EFHD1: variants seen among roughly 807,000 people sequenced by gnomAD.
EFHD1 encodes the protein EF-hand domain family member D1.
A neutral mutation model predicts 17.2 loss-of-function variants in EFHD1; 10 were observed. The observed-to-expected ratio is 0.58, with a 90% CI of 0.36 to 0.99. The LOEUF is 0.99. Ranked by LOEUF, EFHD1 falls within the 50% of genes least tolerant of loss-of-function variation. The pLI is 0.01. For synonymous variants in EFHD1, 153 were observed against 142.0 expected, an observed-to-expected ratio of 1.08 and a Z score of -0.55; for missense variants, 310 against 327.5, an observed-to-expected ratio of 0.95 and a Z score of 0.41.
intron 1 of EFHD1, among the ~76,000 whole-genome samples, chr2:232,607,896 C>T (rs1693749520): frequency 6.6e-6 from 1 of 151,422 alleles, no homozygotes; most frequent in African/African-American, 2.4e-5. Flanking sequence ...GAGTTCTAGA[C>T]CAGCCTGGGC....
intron 2 of EFHD1, among the ~76,000 whole-genome samples, chr2:232,669,762 G>A (rs972147204): frequency 3.3e-5 from 5 of 152,104 alleles, no homozygotes; most frequent in South Asian, 4.2e-4. Flanking sequence ...CACCACGCCC[G>A]GCTAATCTTT....
At chr2:232,672,503 G>C (rs758605044) in intron 3 of EFHD1, 60 bp downstream of exon 3, 52 of 1,530,066 alleles carry the variant, frequency 3.4e-5, no homozygotes, top group Non-Finnish European at 4.5e-5. Flanking sequence ...CTGCCCACCA[G>C]ACTGCAGCTG....
Position 232,633,817 on chromosome 2 carries a change from C to G in EFHD1, c.113C>G (p.Pro38Arg), listed in dbSNP as rs755879908. 1 of 1,473,160 alleles carries G rather than the reference C, an allele frequency of 6.8e-7. No individual in the cohort carries two copies. The allele number at this position is 1,473,160 out of a possible 1,614,324, so 91.3% of individuals were successfully genotyped here. Residue 38 changes from proline to arginine, a missense_variant, in exon 1 of 4, where the codon CCC (proline) becomes CGC (arginine). By Grantham distance (103) the Pro-to-Arg change is moderately radical. Transcript: ENST00000264059. ...GGCGCCCCAGCCCCGGAGCCCAAGC[C>G]CGAGCCCGAGCCTCCCGCCCGTGCG... Reference protein sequence around the residue: ...PLGAPAPEPKPEPEPPARAPT... With the variant: ...PLGAPAPEPKREPEPPARAPT...
chr2:232,635,625 C>T (rs1167567509), intron 1 of EFHD1, among the ~76,000 whole-genome samples: 4 of 152,108 alleles, frequency 2.6e-5, no homozygotes, highest in Admixed American at 6.5e-5. Context: ...TCAAGACCAG[C>T]CTGGCCAACA....
At chr2:232,651,151 G>A (rs939678818) in intron 1 of EFHD1, among the ~76,000 whole-genome samples, 1 of 152,160 alleles carries the variant, frequency 6.6e-6, no homozygotes, top group Non-Finnish European at 1.5e-5. Context: ...TCTCACTGGG[G>A]CCAGGGCCTC....
intron 3 of EFHD1, among the ~76,000 whole-genome samples, chr2:232,677,516 T>C (rs1036643887): frequency 3.9e-5 from 6 of 151,972 alleles, no homozygotes; most frequent in African/African-American, 1.5e-4. Context: ...GCCCAGGAGT[T>C]TGAGACCAGC....
chr2:232,606,315 C>A, intron 1 of EFHD1: 2 of 1,008,482 alleles, frequency 2.0e-6, no homozygotes, highest in African/African-American at 1.6e-5. Context: ...CCTCGCTTCC[C>A]TGCCCCGCGC....
intron 2 of EFHD1, among the ~76,000 whole-genome samples, chr2:232,668,136 T>G (rs778321242): frequency 2.0e-5 from 3 of 152,212 alleles, no homozygotes; most frequent in African/African-American, 4.8e-5. Flanking sequence ...AGTTTCCAAT[T>G]CTTCTACCAC....
At chr2:232,634,735 G>A (rs1694285860) in intron 1 of EFHD1, among the ~76,000 whole-genome samples, 1 of 152,252 alleles carries the variant, frequency 6.6e-6, no homozygotes, top group South Asian at 2.1e-4. Context: ...AGTCCACCTC[G>A]TCGCCTGGAA....
At chr2:232,634,667 G>A (rs1694282103) in intron 1 of EFHD1, among the ~76,000 whole-genome samples, 1 of 152,186 alleles carries the variant, frequency 6.6e-6, no homozygotes, top group African/African-American at 2.4e-5. Context: ...GCCCCAGTGC[G>A]CGGGGAGCCG....
intron 1 of EFHD1, chr2:232,610,601 G>A (rs1049982530): frequency 6.6e-6 from 1 of 152,550 alleles, no homozygotes; most frequent in African/African-American, 2.4e-5. Flanking sequence ...GGGCTGGCAG[G>A]GCATGGTGGC....
intron 1 of EFHD1, among the ~76,000 whole-genome samples, chr2:232,616,745 G>A (rs1356376400): frequency 2.0e-5 from 3 of 152,130 alleles, no homozygotes; most frequent in African/African-American, 7.2e-5. Flanking sequence ...CAAAAGCTCT[G>A]GAGATCTATT....
chr2:232,669,466 C>A (rs1043520334), intron 2 of EFHD1, among the ~76,000 whole-genome samples: 2 of 152,106 alleles, frequency 1.3e-5, no homozygotes, highest in African/African-American at 4.8e-5. Flanking sequence ...AGCCTCTCAC[C>A]GGCATGAAAC....
rs553289526 is a variant in EFHD1, at chr2:232,673,909, T to TC, written c.585+1466_585+1467insC. On this transcript the variant is annotated intron_variant, in intron 3 of 3. Transcript: ENST00000264059. ...AATTCTACCTCTTAAGACTTCTTCT[T>TC]TTTTTTTTTTTTTTTTTGAGATTGA... Among the ~76,000 whole-genome samples the TC allele has an allele frequency of 8.3e-3, 1,187 of 142,166 alleles. 7 individuals carry two copies. The highest frequency in any genetic ancestry group is 0.028 in the African/African-American group (1,060 of 37,602). The allele number at this position is 142,166 out of a possible 152,430, so 93.3% of individuals were successfully genotyped here.
chr2:232,674,910 C>G (rs978053875), intron 3 of EFHD1, among the ~76,000 whole-genome samples: 3 of 151,996 alleles, frequency 2.0e-5, no homozygotes, highest in African/African-American at 7.2e-5. Context: ...TGTGAGGATA[C>G]AGGATGTGTG....
upstream of EFHD1, chr2:232,633,555 C>G: frequency 1.2e-5 from 15 of 1,286,104 alleles, no homozygotes; most frequent in Non-Finnish European, 1.5e-5. Flanking sequence ...GCCCCGCCCG[C>G]CAGTCCGTCC....
chr2:232,633,561 C>T (rs1284709009), upstream of EFHD1: 2 of 1,287,408 alleles, frequency 1.6e-6, no homozygotes, highest in Non-Finnish European at 2.0e-6. Context: ...CCCGCCAGTC[C>T]GTCCTCAGAC....
intron 1 of EFHD1, among the ~76,000 whole-genome samples, chr2:232,608,262 T>A (rs1380785419): frequency 6.6e-6 from 1 of 151,790 alleles, no homozygotes; most frequent in African/African-American, 2.4e-5. Flanking sequence ...CCCAGCTACT[T>A]AGGAGGCTGA....
Position 232,662,779 on chromosome 2 carries a change from C to T in EFHD1, c.303-23C>T, listed in dbSNP as rs757554075. 8.4e-6 allele frequency: 13 copies of T among 1,552,710 alleles called. No individual in the cohort carries two copies. The African/African-American group carries it at 1.8e-4, about 22-fold the overall frequency. On this transcript the variant is annotated intron_variant, in intron 1 of 3. Coordinates refer to ENST00000264059, the MANE Select transcript of EFHD1 (RefSeq NM_025202.4). ...CTAACGAGTGTCCTTTCATCCCGGT[C>T]ATGCATTCCTTTGACCCTGCAGGTA...
Sources: allele counts gnomAD v4.1 joint callset (sites outside exome capture counted in the v4.1 genomes callset), GRCh38; gene constraint gnomAD v4.1.1; transcripts MANE v1.5; gene names NCBI Gene and HGNC (gene_info 2026-07-23, HGNC 2026-07-21).